NXT2: variants seen among roughly 807,000 people sequenced by gnomAD.
NXT2 encodes the protein nuclear transport factor 2 like export factor 2, also known as NTF2-related export protein 2.
A neutral mutation model predicts 9.6 loss-of-function variants in NXT2; 1 was observed. The ratio of observed to expected loss-of-function variants is 0.10; its 90% CI spans 0.04 to 0.49. The LOEUF is 0.49. NXT2 is among the 20% of genes least tolerant of loss of function. NXT2 has a pLI of 0.95. For synonymous variants in NXT2, 22 were observed against 35.4 expected (o/e 0.62, Z 1.34); for missense variants, 48 against 100.3 (o/e 0.48, Z 2.23).
Position 109,541,579 on chromosome X carries a change from T to C in NXT2, c.207T>C (p.Ser69=), listed in dbSNP as rs1244040878. 1 of 1,206,095 alleles carries C rather than the reference T, an allele frequency of 8.3e-7. No individual in the cohort carries two copies. The highest frequency in any genetic ancestry group is 1.1e-6 in the Non-Finnish European group (1 of 892,130). ...ATTTTTTTGACACATTGCCTTCTAG[T>C]GAGTTCCAGGTCAATATGTTAGATT... is the stretch of plus-strand genomic sequence containing the variant. ...LNNFFDTLPS[S]EFQVNMLDCQ... The change falls in exon 3 of 4, where the codon AGT becomes AGC. Residue 69 remains serine, a synonymous_variant. Coordinates refer to ENST00000372106, the MANE Select transcript of NXT2 (RefSeq NM_001242617.2).
rs1327611488 is a variant in NXT2 at position 109,541,462 on chromosome X, T to A, written c.103-13T>A. On this transcript the variant is annotated splice_polypyrimidine_tract_variant and intron_variant, in intron 2 of 3. Transcript: ENST00000372106. Reference sequence around the variant, plus strand: ...GAATTATTTCCCTTTTTTAAATTTGTCTTTCTTTTTAGGCACTAACCAGGC... The same window carrying A: ...GAATTATTTCCCTTTTTTAAATTTGACTTTCTTTTTAGGCACTAACCAGGC... 1.6e-5 allele frequency: 19 copies of A among 1,161,161 alleles called. No individual in the cohort carries two copies. The highest frequency in any genetic ancestry group is 2.1e-5 in the Non-Finnish European group (18 of 863,898).
At chrX:109,540,628 C>G (rs1933399028) in intron 2 of NXT2, among the ~76,000 whole-genome samples, 1 of 112,133 alleles carries the variant, frequency 8.9e-6, no homozygotes, top group Non-Finnish European at 1.9e-5. Context: ...GCCTGCCTGG[C>G]CTTTTAACCC....
upstream of NXT2, chrX:109,536,616 C>T (rs1933279333): frequency 4.8e-6 from 1 of 209,526 alleles, no homozygotes; most frequent in Non-Finnish European, 8.5e-6. Context: ...GCTCCGCCTC[C>T]TGGGGCAAAA....
At chrX:109,539,711 G>A (rs1475437429) in intron 2 of NXT2, among the ~76,000 whole-genome samples, 2 of 111,241 alleles carry the variant, frequency 1.8e-5, no homozygotes, top group Non-Finnish European at 3.8e-5. Context: ...TTTTTGATGG[G>A]GTTGTTTTTT....
rs1933284429 is a variant in NXT2 at position 109,536,860 on chromosome X, G to A, written c.-147G>A. The A allele has an allele frequency of 2.6e-6, 3 of 1,150,821 alleles. No homozygotes were observed. The East Asian group carries it at 9.8e-5, about 38-fold the overall frequency. The allele number at this position is 1,150,821 out of a possible 1,213,427, so 94.8% of individuals were successfully genotyped here. A position where few individuals can be genotyped will look rare whatever the true frequency, so the allele number is the denominator to read the frequency against. ...TTTAACGACGGACCGAGCTACTTCC[G>A]GGAGAGAATGGGAGGGTGGAAAATT... On this transcript the variant is annotated 5_prime_UTR_variant, in exon 1 of 4. Coordinates refer to ENST00000372106, the MANE Select transcript of NXT2 (RefSeq NM_001242617.2).
chrX:109,539,648 G>A (rs1933369367), intron 2 of NXT2, among the ~76,000 whole-genome samples: 1 of 110,084 alleles, frequency 9.1e-6, no homozygotes, highest in Non-Finnish European at 1.9e-5. Context: ...TTTTTCATAT[G>A]TTTGCTGGCC....
chrX:109,536,922 T>C lies in NXT2; in HGVS notation c.-85T>C, dbSNP rs746286020. On this transcript the variant is annotated 5_prime_UTR_variant, in exon 1 of 4. Transcript: ENST00000372106. ...GCGGGTTTCGCTCTCTTCATAAGTA[T>C]TGATCATTCCGCAGCCCTGCGGACC... The C allele has an allele frequency of 6.6e-6, 8 of 1,208,488 alleles. No individual in the cohort carries two copies. In the African/African-American group the frequency reaches 8.8e-5, roughly 13 times the overall value.
rs1933424579 is a variant in NXT2, at chrX:109,541,766, T to A, written c.247+147T>A. 5 of 420,082 alleles carry A rather than the reference T, an allele frequency of 1.2e-5. No homozygotes were observed. The East Asian group carries it at 2.0e-4, about 17-fold the overall frequency. The allele number at this position is 420,082 out of a possible 1,213,427, so 34.6% of individuals were successfully genotyped here. A position where few individuals can be genotyped will look rare whatever the true frequency, so the allele number is the denominator to read the frequency against. On this transcript the variant is annotated intron_variant, in intron 3 of 3. Transcript: ENST00000372106. ...TATTATGAAAAATGTAACTGTCCAG[T>A]CAAACTTTGGTCTTCCTTCAGATTC...
At chrX:109,536,241 C>CAT (rs1237453780), upstream of NXT2, among the ~76,000 whole-genome samples, 1 of 112,314 alleles carries the variant, frequency 8.9e-6, no homozygotes. Context: ...AAGCACCTTA[C>CAT]ATATAGTCAG....
intron 2 of NXT2, among the ~76,000 whole-genome samples, chrX:109,541,202 G>A (rs1313449873): frequency 9.0e-6 from 1 of 111,175 alleles, no homozygotes; most frequent in African/African-American, 3.3e-5. Context: ...TTAATTGGGT[G>A]GAAGGTTTTA....
intron 2 of NXT2, among the ~76,000 whole-genome samples, chrX:109,540,774 T>C (rs1407451140): frequency 8.9e-6 from 1 of 111,786 alleles, no homozygotes; most frequent in Non-Finnish European, 1.9e-5. Flanking sequence ...ATGATTCTTT[T>C]GAACTAAGTA....
upstream of NXT2, chrX:109,536,004 G>T: frequency 9.8e-6 from 11 of 1,120,436 alleles, no homozygotes; most frequent in South Asian, 2.0e-5. Context: ...TAATTAATTT[G>T]CCATTTAAAT....
intron 3 of NXT2, 82 bp from the exon 4 acceptor site, chrX:109,542,425 A>C (rs1933439098): frequency 1.1e-6 from 1 of 883,810 alleles, no homozygotes. Flanking sequence ...TTAGTCCATA[A>C]ACAATGTATT....
Position 109,537,041 on chromosome X carries a change from C to G in NXT2, c.15+20C>G, listed in dbSNP as rs956260726. On this transcript the variant is annotated intron_variant, in intron 1 of 3. Coordinates refer to ENST00000372106, the MANE Select transcript of NXT2 (RefSeq NM_001242617.2). ...TCTCTGGTGAGTGCCTGGGCCGTGGCAGGACGGCTGGGCGCCGGACTCCAG... is the reference window on the plus strand; with the variant it reads ...TCTCTGGTGAGTGCCTGGGCCGTGGGAGGACGGCTGGGCGCCGGACTCCAG... 1.0e-5 allele frequency: 12 copies of G among 1,200,580 alleles called. No individual in the cohort carries two copies. Among genetic ancestry groups the G allele is most frequent in the African/African-American group, 5.3e-5 (3 of 56,988 alleles).
At chrX:109,536,805 T>A, upstream of NXT2, 3 of 1,076,294 alleles carry the variant, frequency 2.8e-6, no homozygotes, top group East Asian at 1.1e-4. Flanking sequence ...TGAAGGGAAG[T>A]GGAACTTAAG....
In NXT2 at chrX:109,544,593, T is replaced by C. The variant is rs1046175039; in HGVS notation, c.*1905T>C. 1.8e-5 allele frequency: 2 copies of C among 112,687 alleles called. No individual in the cohort carries two copies. Among genetic ancestry groups the C allele is most frequent in the African/African-American group, 6.5e-5 (2 of 30,985 alleles). 9.3% of individuals were successfully genotyped at this position (112,687 alleles called of 1,213,427 possible). ...GCTTTTTCCAAACTCTGTATAACTTTTAAATGGCTGGAACTACTCGTATAA... is the reference window on the plus strand; with the variant it reads ...GCTTTTTCCAAACTCTGTATAACTTCTAAATGGCTGGAACTACTCGTATAA... On this transcript the variant is annotated 3_prime_UTR_variant, in exon 4 of 4. Transcript: ENST00000372106.
chrX:109,537,710 G>A (rs1014755252), intron 1 of NXT2, among the ~76,000 whole-genome samples: 1 of 111,471 alleles, frequency 9.0e-6, no homozygotes, highest in African/African-American at 3.3e-5. Flanking sequence ...TTCAGGTGGT[G>A]TCATTTTCAT....
At chrX:109,536,072 C>G (rs887153212), upstream of NXT2, 2 of 586,241 alleles carry the variant, frequency 3.4e-6, no homozygotes, top group Non-Finnish European at 5.4e-6. Flanking sequence ...GGGAGCAAAG[C>G]CACATTGCCA....
chrX:109,544,164 G>A lies in NXT2; in HGVS notation c.*1476G>A, dbSNP rs1028622917. 1 of 112,488 alleles carries A rather than the reference G, an allele frequency of 8.9e-6. No homozygotes were observed. Among genetic ancestry groups the A allele is most frequent in the African/African-American group, 3.2e-5 (1 of 30,943 alleles). 9.3% of individuals were successfully genotyped at this position (112,488 alleles called of 1,213,427 possible). A position where few individuals can be genotyped will look rare whatever the true frequency, so the allele number is the denominator to read the frequency against. On this transcript the variant is annotated 3_prime_UTR_variant, in exon 4 of 4. Transcript: ENST00000372106. ...TCCATTTTTTAATGTTTGTAAGCTA[G>A]ATATGCCAGCTTTGTTTCTACATTG...
Sources: allele counts gnomAD v4.1 joint callset (sites outside exome capture counted in the v4.1 genomes callset), GRCh38; gene constraint gnomAD v4.1.1; transcripts MANE v1.5; gene names NCBI Gene and HGNC (gene_info 2026-07-23, HGNC 2026-07-21).